Variants in BORCS7 observed in about 807,000 individuals in gnomAD.
BORCS7 encodes the protein BLOC-1 related complex subunit 7.
In BORCS7, 20 loss-of-function variants were observed where a neutral mutation model predicts 17.5. That is an observed-to-expected ratio of 1.14 (90% CI 0.80 to 1.66). The LOEUF is 1.66. BORCS7 is among the 40% of genes most tolerant of loss of function. The probability of loss-of-function intolerance (pLI) is 0.00; values close to 1 mark genes in which losing one functional copy is unlikely to be tolerated. For missense variants in BORCS7, 122 were observed against 129.7 expected, an observed-to-expected ratio of 0.94 and a Z score of 0.29; for synonymous variants, 57 against 49.8, an observed-to-expected ratio of 1.14 and a Z score of -0.61.
intron 1 of BORCS7, among the ~76,000 whole-genome samples, chr10:102,855,165 T>G (rs1246889527): frequency 6.8e-6 from 1 of 147,544 alleles, no homozygotes; most frequent in African/African-American, 2.5e-5. Context: ...TTTCCTTTTT[T>G]TTTTTTTTTT....
intron 3 of BORCS7, chr10:102,860,810 G>A (rs1004892938): frequency 1.8e-6 from 1 of 563,768 alleles, no homozygotes; most frequent in Admixed American, 3.1e-5. Flanking sequence ...ACCCTGTAAA[G>A]GCAGGGCCCG....
At chr10:102,855,824 G>A (rs1258110158) in intron 1 of BORCS7, among the ~76,000 whole-genome samples, 2 of 152,024 alleles carry the variant, frequency 1.3e-5, no homozygotes, top group South Asian at 2.1e-4. Flanking sequence ...GCAGTGGCCC[G>A]ATCTCGGGCT....
chr10:102,862,254 G>A (rs1185137886), intron 4 of BORCS7, 74 bp downstream of exon 4: 4 of 1,432,500 alleles, frequency 2.8e-6, no homozygotes, highest in Non-Finnish European at 3.9e-6. Flanking sequence ...GCTGGGTCCA[G>A]AATCAATACA....
At position 102,863,966 on chromosome 10, in the gene BORCS7, T is replaced by G. The variant is rs1283324434; in HGVS notation, c.*1042T>G. ...AAATATGAAGGCAGTTGAATTATTATGAGTGATTGTGGCAGAGGTTTGTGC... is the reference window on the plus strand; with the variant it reads ...AAATATGAAGGCAGTTGAATTATTAGGAGTGATTGTGGCAGAGGTTTGTGC... On this transcript the variant is annotated 3_prime_UTR_variant, in exon 5 of 5. Coordinates refer to ENST00000339834, the MANE Select transcript of BORCS7 (RefSeq NM_001136200.2). 6.6e-6 allele frequency: 1 copy of G among 152,230 alleles called. No individual in the cohort carries two copies. The highest frequency in any genetic ancestry group is 1.9e-4 in the East Asian group (1 of 5,204). 9.4% of individuals were successfully genotyped at this position (152,230 alleles called of 1,614,324 possible).
At chr10:102,857,570 A>T (rs1281543879) in intron 1 of BORCS7, among the ~76,000 whole-genome samples, 1 of 152,228 alleles carries the variant, frequency 6.6e-6, no homozygotes, top group Non-Finnish European at 1.5e-5. Flanking sequence ...CTGTGAGTCC[A>T]TCCCAAACAT....
At chr10:102,856,569 G>A (rs1844430649) in intron 1 of BORCS7, among the ~76,000 whole-genome samples, 2 of 152,302 alleles carry the variant, frequency 1.3e-5, no homozygotes, top group East Asian at 1.9e-4. Context: ...TTGAAGATGA[G>A]TAGCTAAGAC....
At position 102,863,343 on chromosome 10, in the gene BORCS7, AAAAAAG is replaced by A. The variant is rs1241598503; in HGVS notation, c.*425_*430del. ...GAGTGAGATTCCATCTCCAAAAAAAAAAAAAGAAAAAAAAAAGAAAAGTTCTGTGTT... is the reference window on the plus strand; with the variant it reads ...GAGTGAGATTCCATCTCCAAAAAAAAAAAAAAAAAAGAAAAGTTCTGTGTT... On this transcript the variant is annotated 3_prime_UTR_variant, in exon 5 of 5. Coordinates refer to ENST00000339834, the MANE Select transcript of BORCS7 (RefSeq NM_001136200.2). 6 of 148,748 alleles carry A rather than the reference AAAAAAG, an allele frequency of 4.0e-5. No homozygotes were observed. The highest frequency in any genetic ancestry group is 2.0e-4 in the South Asian group (1 of 4,898). The allele number at this position is 148,748 out of a possible 1,614,324, so 9.2% of individuals were successfully genotyped here. A position where few individuals can be genotyped will look rare whatever the true frequency, so the allele number is the denominator to read the frequency against.
At position 102,860,406 on chromosome 10, in the gene BORCS7, C is replaced by CTT; in HGVS notation, c.204+21_204+22dup. 2.9e-6 allele frequency: 4 copies of CTT among 1,371,968 alleles called. No homozygotes were observed. Among genetic ancestry groups the CTT allele is most frequent in the Non-Finnish European group, 4.0e-6 (4 of 998,260 alleles). 85.0% of individuals were successfully genotyped at this position (1,371,968 alleles called of 1,614,324 possible). ...TGCACTCAGAAGATGTAAGAAACAA[C>CTT]TTTTTTTTTTAATGATTTGGGTTTA... is the stretch of plus-strand genomic sequence containing the variant. On this transcript the variant is annotated intron_variant, in intron 2 of 4. Transcript: ENST00000339834.
At chr10:102,862,020 G>A (rs1844528867) in intron 3 of BORCS7, 140 bp from the exon 4 acceptor site, 1 of 789,374 alleles carries the variant, frequency 1.3e-6, no homozygotes, top group Admixed American at 2.6e-5. Context: ...CTGTTCAATA[G>A]CACAATCTTA....
At chr10:102,854,581 G>A in intron 1 of BORCS7, 154 bp downstream of exon 1, 1 of 901,554 alleles carries the variant, frequency 1.1e-6, no homozygotes, top group Non-Finnish European at 1.6e-6. Flanking sequence ...GTTGCATTCT[G>A]GGGTGTGCAG....
intron 1 of BORCS7, among the ~76,000 whole-genome samples, chr10:102,854,962 T>TATATATAATATATGTAATATATA (rs1480521142): frequency 7.5e-5 from 11 of 147,156 alleles, no homozygotes; most frequent in Non-Finnish European, 1.6e-4. Context: ...ACATATATAT[T>TATATATAATATATGTAATATATA]ATATATAATA....
Position 102,854,353 on chromosome 10 carries a change from G to T in BORCS7, c.67G>T (p.Glu23Ter), listed in dbSNP as rs1297189445. The T allele has an allele frequency of 6.3e-7, 1 of 1,588,846 alleles. No individual in the cohort carries two copies. The highest frequency in any genetic ancestry group is 1.1e-5 in the South Asian group (1 of 87,394). ...TCAGTCCGTGAAGGGGCTTCTCACG[G>T]AGAAGGTGACCACCTGTGGTACTGA... Reference protein sequence around the residue: ...FGQSVKGLLTEKVTTCGTDVI... With the variant: ...FGQSVKGLLT Residue 23 changes from glutamate (E) to a stop codon, truncating the protein, a stop_gained, in exon 1 of 5, where the codon GAG becomes TAG. Coordinates refer to ENST00000339834, the MANE Select transcript of BORCS7 (RefSeq NM_001136200.2). LOFTEE classifies it high-confidence loss of function.
chr10:102,854,953 C>A (rs1172737468), intron 1 of BORCS7, among the ~76,000 whole-genome samples: 1 of 145,392 alleles, frequency 6.9e-6, no homozygotes, highest in Non-Finnish European at 1.5e-5. Context: ...ATATAATATA[C>A]ATATATATTA....
intron 1 of BORCS7, among the ~76,000 whole-genome samples, chr10:102,856,761 G>A (rs1029690780): frequency 5.3e-5 from 8 of 152,230 alleles, no homozygotes; most frequent in African/African-American, 1.7e-4. Context: ...GTCTGTTTAT[G>A]TAGGAAAGTG....
rs1283687447 is a variant in BORCS7, at chr10:102,861,530, A to G, written c.249-630A>G. Among the ~76,000 whole-genome samples, 3 of 151,884 alleles carry G rather than the reference A, an allele frequency of 2.0e-5. No homozygotes were observed. In the East Asian group the frequency reaches 5.8e-4, roughly 29 times the overall value. The stretch of plus-strand genomic sequence containing the variant: ...TCAGGAGTTCTAGATTAGCCTGGCC[A>G]ACACGGCAAAACCCCGTCTCTACTA... On this transcript the variant is annotated intron_variant, in intron 3 of 4. Coordinates refer to ENST00000339834, the MANE Select transcript of BORCS7 (RefSeq NM_001136200.2).
chr10:102,857,162 A>G (rs897636998), intron 1 of BORCS7, among the ~76,000 whole-genome samples: 5 of 151,788 alleles, frequency 3.3e-5, no homozygotes, highest in African/African-American at 1.2e-4. Context: ...TCAGTTAGAC[A>G]CTCCTGCCCC....
chr10:102,860,008 T>A (rs1462464318), intron 1 of BORCS7, among the ~76,000 whole-genome samples: 1 of 152,202 alleles, frequency 6.6e-6, no homozygotes, highest in Non-Finnish European at 1.5e-5. Flanking sequence ...ACTGGACTTG[T>A]GGAGCCAAAG....
chr10:102,862,301 G>A, intron 4 of BORCS7, 121 bp downstream of exon 4: 1 of 898,100 alleles, frequency 1.1e-6, no homozygotes, highest in Non-Finnish European at 1.7e-6. Flanking sequence ...ATTGAAATAT[G>A]CTCTGGGATA....
rs375146221 is a variant in BORCS7, at chr10:102,854,388, G to C, written c.102G>C (p.Ala34=). ...CCACCTGTGGTACTGACGTAATCGC[G>C]CTCACCAAGCAGGTGCTGAAAGGCT... ...KVTTCGTDVI[A]LTKQVLKGSR... is the part of the protein sequence containing the mutation. Residue 34 remains alanine, a synonymous_variant, in exon 1 of 5, where the codon GCG becomes GCC. Coordinates refer to ENST00000339834, the MANE Select transcript of BORCS7 (RefSeq NM_001136200.2). The C allele has an allele frequency of 7.7e-6, 12 of 1,556,866 alleles. No individual in the cohort carries two copies. Among genetic ancestry groups the C allele is most frequent in the Non-Finnish European group, 1.0e-5 (12 of 1,148,310 alleles).
Sources: allele counts gnomAD v4.1 joint callset (sites outside exome capture counted in the v4.1 genomes callset), GRCh38; gene constraint gnomAD v4.1.1; transcripts MANE v1.5; gene names NCBI Gene and HGNC (gene_info 2026-07-23, HGNC 2026-07-21).